XRCC4: variants seen among roughly 807,000 people sequenced by gnomAD.
XRCC4 encodes DNA repair protein XRCC4.
XRCC4 carries 28 observed loss-of-function variants against 39.1 expected under a neutral mutation model. The ratio of observed to expected loss-of-function variants is 0.72; its 90% CI spans 0.53 to 0.98. The LOEUF (loss-of-function observed/expected upper bound fraction) is 0.98, where lower values mean the gene tolerates loss of function less well. XRCC4 is among the 50% of genes least tolerant of loss of function. The probability of loss-of-function intolerance (pLI) is 0.00; values close to 1 mark genes in which losing one functional copy is unlikely to be tolerated. For missense variants in XRCC4, 350 were observed against 376.4 expected (o/e 0.93, Z 0.58); for synonymous variants, 123 against 126.4 (o/e 0.97, Z 0.18).
the XRCC4 span, among the ~76,000 whole-genome samples, chr5:83,367,417 GTTC>G: frequency 6.6e-6 from 1 of 152,174 alleles, no homozygotes. Context: ...TGACTGTTGT[GTTC>G]TTCTCTTTAC....
chr5:83,109,883 T>TA (rs1321476732), intron 2 of XRCC4, among the ~76,000 whole-genome samples: 1 of 151,834 alleles, frequency 6.6e-6, no homozygotes, highest in Non-Finnish European at 1.5e-5. Context: ...AATAATCTTT[T>TA]AAAAAAACTA....
intron 7 of XRCC4, among the ~76,000 whole-genome samples, chr5:83,270,304 G>T (rs903132868): frequency 3.9e-5 from 6 of 152,118 alleles, no homozygotes; most frequent in African/African-American, 1.4e-4. Flanking sequence ...AGAGGTTGGG[G>T]ACCACTGGTC....
intron 7 of XRCC4, among the ~76,000 whole-genome samples, chr5:83,315,788 A>G (rs1345587073): frequency 1.3e-5 from 2 of 152,266 alleles, no homozygotes; most frequent in African/African-American, 4.8e-5. Context: ...TTGATAATGC[A>G]CCTAGTCATC....
At chr5:83,368,522 ACTG>A in the XRCC4 span, among the ~76,000 whole-genome samples, 2 of 152,188 alleles carry the variant, frequency 1.3e-5, no homozygotes, top group African/African-American at 4.8e-5. Context: ...TAACAGAACA[ACTG>A]CTTTTTTGTA....
chr5:83,282,753 A>T (rs1754590886), intron 7 of XRCC4, among the ~76,000 whole-genome samples: 1 of 152,056 alleles, frequency 6.6e-6, no homozygotes. Flanking sequence ...GAGACAGGAG[A>T]ATGGCACGAA....
intron 3 of XRCC4, among the ~76,000 whole-genome samples, chr5:83,174,809 C>T (rs1703832553): frequency 6.6e-6 from 1 of 152,084 alleles, no homozygotes. Context: ...TGCAATAGTT[C>T]AACAGTTTTG....
At chr5:83,353,083 C>A in intron 7 of XRCC4, 48 bp from the exon 8 acceptor site, 2 of 1,439,666 alleles carry the variant, frequency 1.4e-6, no homozygotes, top group Non-Finnish European at 1.9e-6. Flanking sequence ...TACTCTATAA[C>A]AGAAGTTTTT....
At chr5:83,086,508 T>C (rs1368831460) in intron 1 of XRCC4, among the ~76,000 whole-genome samples, 1 of 152,194 alleles carries the variant, frequency 6.6e-6, no homozygotes, top group African/African-American at 2.4e-5. Context: ...TGGAAGTCGA[T>C]CATCATAAAG....
At chr5:83,093,771 A>G (rs978341188) in intron 1 of XRCC4, among the ~76,000 whole-genome samples, 1 of 152,192 alleles carries the variant, frequency 6.6e-6, no homozygotes, top group African/African-American at 2.4e-5. Context: ...ACAAAAATGA[A>G]AACACGGTAT....
At chr5:83,139,904 TCATA>T (rs747588793) in intron 3 of XRCC4, among the ~76,000 whole-genome samples, 1 of 152,240 alleles carries the variant, frequency 6.6e-6, no homozygotes, top group Non-Finnish European at 1.5e-5. Context: ...GGTTGTATAC[TCATA>T]CATATACATT....
chr5:83,204,122 TAG>T (rs1489539757), intron 5 of XRCC4, among the ~76,000 whole-genome samples: 1 of 152,148 alleles, frequency 6.6e-6, no homozygotes, highest in Non-Finnish European at 1.5e-5. Flanking sequence ...TTTATCTGAT[TAG>T]AGTGTGATTA....
chr5:83,310,854 T>C (rs773899591), intron 7 of XRCC4: 12 of 456,458 alleles, frequency 2.6e-5, no homozygotes, highest in Admixed American at 1.6e-4. Flanking sequence ...AGAGAAAAGA[T>C]GCTAAGCTGC....
intron 7 of XRCC4, among the ~76,000 whole-genome samples, chr5:83,335,121 A>G (rs951772663): frequency 6.6e-6 from 1 of 152,024 alleles, no homozygotes; most frequent in Non-Finnish European, 1.5e-5. Flanking sequence ...GGACCTTCAA[A>G]TGCAGAAATT....
intron 1 of XRCC4, among the ~76,000 whole-genome samples, chr5:83,092,288 T>C (rs560332796): frequency 6.6e-6 from 1 of 152,290 alleles, no homozygotes; most frequent in Admixed American, 6.5e-5. Context: ...ACTGCAGATA[T>C]TTTCTTAATT....
chr5:83,217,864 C>T (rs1023468354), intron 6 of XRCC4, among the ~76,000 whole-genome samples: 2 of 152,192 alleles, frequency 1.3e-5, no homozygotes, highest in East Asian at 3.9e-4. Flanking sequence ...AGACTGCTAG[C>T]CAGCCTGCTA....
intron 3 of XRCC4, among the ~76,000 whole-genome samples, chr5:83,133,179 G>A (rs1040950642): frequency 6.6e-6 from 1 of 151,778 alleles, no homozygotes; most frequent in South Asian, 2.1e-4. Flanking sequence ...GCCTGGGTAT[G>A]ACCATCGGAG....
chr5:83,214,813 G>T (rs1276240993), intron 6 of XRCC4, among the ~76,000 whole-genome samples: 1 of 149,860 alleles, frequency 6.7e-6, no homozygotes, highest in African/African-American at 2.5e-5. Flanking sequence ...ATCCAGCCTG[G>T]GCGACAGAGC....
At chr5:83,163,895 G>C (rs1749336586) in intron 3 of XRCC4, among the ~76,000 whole-genome samples, 1 of 152,190 alleles carries the variant, frequency 6.6e-6, no homozygotes, top group Non-Finnish European at 1.5e-5. Context: ...CATGTCCCTT[G>C]AGAGCAGTGT....
At chr5:83,104,751 T>C (rs1024132245) in intron 1 of XRCC4, among the ~76,000 whole-genome samples, 159 bp from the exon 2 acceptor site, 1 of 152,248 alleles carries the variant, frequency 6.6e-6, no homozygotes, top group Non-Finnish European at 1.5e-5. Flanking sequence ...ATTTACTGAA[T>C]TTAATGGTTG....
Sources: allele counts gnomAD v4.1 joint callset (sites outside exome capture counted in the v4.1 genomes callset), GRCh38; gene constraint gnomAD v4.1.1; transcripts MANE v1.5; gene names NCBI Gene and HGNC (gene_info 2026-07-23, HGNC 2026-07-21).